HMBOX1: variants seen among roughly 807,000 people sequenced by gnomAD.
The protein encoded by HMBOX1 is homeobox containing 1.
Under a neutral mutation model 54.5 loss-of-function variants are expected in HMBOX1, and 14 were observed. The ratio of observed to expected loss-of-function variants is 0.26; its 90% CI spans 0.17 to 0.40. The LOEUF (loss-of-function observed/expected upper bound fraction) is 0.40, where lower values mean the gene tolerates loss of function less well. Ranked by LOEUF, HMBOX1 falls within the 10% of genes least tolerant of loss-of-function variation. The pLI is 1.00. For missense variants in HMBOX1, 332 were observed against 514.4 expected, an observed-to-expected ratio of 0.65 and a Z score of 3.43; for synonymous variants, 160 against 181.0, an observed-to-expected ratio of 0.88 and a Z score of 0.93.
intron 6 of HMBOX1, among the ~76,000 whole-genome samples, chr8:29,022,657 C>T (rs1374936550): frequency 1.3e-5 from 2 of 151,970 alleles, no homozygotes; most frequent in African/African-American, 2.4e-5. Flanking sequence ...AAGTTTAAAA[C>T]AAGGCAGAAT....
rs930211253 is a variant in HMBOX1 at position 28,928,789 on chromosome 8, G to C, written c.-57-35022G>C. On this transcript the variant is annotated intron_variant, in intron 1 of 9. Coordinates refer to ENST00000287701, the MANE Select transcript of HMBOX1 (RefSeq NM_001135726.3). ...CATTATGCTAAGTGGAATAAACCAG[G>C]CACAGAAAGACAAATTCCACATGAT... Among the ~76,000 whole-genome samples the C allele has an allele frequency of 6.6e-5, 10 of 152,146 alleles. 1 individual carries two copies. Among genetic ancestry groups the C allele is most frequent in the African/African-American group, 2.2e-4 (9 of 41,440 alleles).
Position 28,977,182 on chromosome 8 carries a change from TTGAG to T in HMBOX1, c.501-2886_501-2883del, listed in dbSNP as rs1211611939. On this transcript the variant is annotated intron_variant, in intron 3 of 9. Transcript: ENST00000287701. ...AACTGGATATTTCCTATTTCAATAA[TTGAG>T]TGTTATCTCTTCTGTATGATTTAGT... is the stretch of plus-strand genomic sequence containing the variant. 3.9e-5 allele frequency among the ~76,000 whole-genome samples: 6 copies of T among 152,322 alleles called. No homozygotes were observed. The South Asian group carries it at 1.2e-3, about 32-fold the overall frequency.
chr8:29,051,269 G>C lies in HMBOX1; in HGVS notation c.*114G>C, dbSNP rs1352293704. The C allele has an allele frequency of 8.5e-7, 1 of 1,182,974 alleles. No individual in the cohort carries two copies. The highest frequency in any genetic ancestry group is 1.2e-6 in the Non-Finnish European group (1 of 831,970). The allele number at this position is 1,182,974 out of a possible 1,614,324, so 73.3% of individuals were successfully genotyped here. A position where few individuals can be genotyped will look rare whatever the true frequency, so the allele number is the denominator to read the frequency against. ...ATAACTTGCAGTTTCTTGTATGTCA[G>C]GTAGCTGTTAGGGTCTTGTTCTGTG... On this transcript the variant is annotated 3_prime_UTR_variant, in exon 10 of 10. Transcript: ENST00000287701.
chr8:28,911,809 G>A (rs146595941), intron 1 of HMBOX1, among the ~76,000 whole-genome samples: 1 of 152,216 alleles, frequency 6.6e-6, no homozygotes, highest in African/African-American at 2.4e-5. Flanking sequence ...TGCAGGGTTG[G>A]GGGAGGGCAG....
chr8:28,943,379 C>T (rs1036971461), intron 1 of HMBOX1, among the ~76,000 whole-genome samples: 4 of 152,094 alleles, frequency 2.6e-5, no homozygotes, highest in Admixed American at 1.3e-4. Flanking sequence ...GGGATTTGGG[C>T]TAGAGCAGTT....
chr8:28,996,084 T>G (rs1020691473), intron 4 of HMBOX1, among the ~76,000 whole-genome samples: 1 of 151,986 alleles, frequency 6.6e-6, no homozygotes, highest in African/African-American at 2.4e-5. Flanking sequence ...CCAGCCTGGG[T>G]GACAGAGTGA....
intron 4 of HMBOX1, among the ~76,000 whole-genome samples, chr8:28,999,200 T>G (rs1832288366): frequency 6.6e-6 from 1 of 152,172 alleles, no homozygotes; most frequent in Admixed American, 6.5e-5. Flanking sequence ...GTAATTTTAC[T>G]CATCTGAAAA....
At chr8:29,007,933 T>C (rs1329695666) in intron 4 of HMBOX1, among the ~76,000 whole-genome samples, 1 of 152,206 alleles carries the variant, frequency 6.6e-6, no homozygotes, top group Non-Finnish European at 1.5e-5. Flanking sequence ...TGTGAAACTC[T>C]AGGGGCTTGC....
At chr8:28,908,169 A>G (rs1399017768) in intron 1 of HMBOX1, among the ~76,000 whole-genome samples, 1 of 152,166 alleles carries the variant, frequency 6.6e-6, no homozygotes, top group African/African-American at 2.4e-5. Context: ...ATACTGATTT[A>G]TATATTATGT....
intron 1 of HMBOX1, among the ~76,000 whole-genome samples, chr8:28,957,717 G>T (rs10112205): frequency 0.03 from 4,635 of 152,234 alleles, 219 homozygotes; most frequent in African/African-American, 0.11. Context: ...CAGCCTCCTG[G>T]GTTCAGGCGA....
At chr8:28,944,477 A>G (rs1306871126) in intron 1 of HMBOX1, among the ~76,000 whole-genome samples, 2 of 152,212 alleles carry the variant, frequency 1.3e-5, no homozygotes, top group Admixed American at 6.5e-5. Flanking sequence ...TTTCTGTCTG[A>G]AGTCATTCAT....
chr8:28,969,164 ACT>A (rs1826964297), intron 2 of HMBOX1, among the ~76,000 whole-genome samples: 1 of 152,016 alleles, frequency 6.6e-6, no homozygotes. Context: ...CAAGAGCAAA[ACT>A]CTGTATCCAA....
intron 4 of HMBOX1, among the ~76,000 whole-genome samples, chr8:29,001,444 G>GGA (rs1173297365): frequency 1.3e-5 from 2 of 152,156 alleles, no homozygotes; most frequent in African/African-American, 4.8e-5. Context: ...CGGCTACTCA[G>GGA]GAGACTGAGG....
At position 28,970,175 on chromosome 8, in the gene HMBOX1, T is replaced by C; in HGVS notation, c.156T>C (p.Arg52=). The C allele has an allele frequency of 1.2e-6, 2 of 1,614,190 alleles. No individual in the cohort carries two copies. The highest frequency in any genetic ancestry group is 1.7e-6 in the Non-Finnish European group (2 of 1,180,028). ...TCCATGCCTTGGAAACTTTGGACCG[T>C]CTTGATCAAGAGCATAGTGACAAGT... ...EILHALETLD[R]LDQEHSDKFG... is the part of the protein sequence containing the mutation. The change falls in exon 3 of 10, where the codon CGT becomes CGC. Residue 52 remains arginine (R), a synonymous_variant. Coordinates refer to ENST00000287701, the MANE Select transcript of HMBOX1 (RefSeq NM_001135726.3). This position sits in a 1 kb window ranked among gnomAD's most constrained non-coding sequence, Gnocchi z 4.3.
intron 3 of HMBOX1, among the ~76,000 whole-genome samples, chr8:28,973,524 T>G (rs1401334566): frequency 6.6e-6 from 1 of 152,190 alleles, no homozygotes; most frequent in Non-Finnish European, 1.5e-5. Context: ...GAGAAATATT[T>G]TGAGCAGTGG....
intron 1 of HMBOX1, among the ~76,000 whole-genome samples, chr8:28,934,926 C>CAAA (rs71551611): frequency 8.1e-5 from 9 of 110,770 alleles, no homozygotes; most frequent in Non-Finnish European, 5.4e-5. Flanking sequence ...GACTCCGTCT[C>CAAA]AAAAAAAAAA....
intron 6 of HMBOX1, among the ~76,000 whole-genome samples, chr8:29,039,605 A>G (rs1014755350): frequency 1.3e-5 from 2 of 152,170 alleles, no homozygotes; most frequent in African/African-American, 4.8e-5. Context: ...TTAGATACTT[A>G]CTGTCTATTA....
rs575410441 is a variant in HMBOX1 at position 28,992,637 on chromosome 8, G to A, written c.586+12481G>A. Among the ~76,000 whole-genome samples the A allele has an allele frequency of 1.2e-4, 18 of 152,168 alleles. No homozygotes were observed. The South Asian group carries it at 3.7e-3, about 32-fold the overall frequency. ...TGTAATCCCAGCACTCTGGGAATCC[G>A]AGTGGGGTGGATCACGAGGTCAGGA... On this transcript the variant is annotated intron_variant, in intron 4 of 9. Transcript: ENST00000287701.
At chr8:29,050,328 C>A in intron 9 of HMBOX1, 1 of 605,946 alleles carries the variant, frequency 1.7e-6, no homozygotes, top group Non-Finnish European at 2.1e-6. Flanking sequence ...GCTTCCTTCA[C>A]AGCTTTATTG....
Sources: allele counts gnomAD v4.1 joint callset (sites outside exome capture counted in the v4.1 genomes callset), GRCh38; gene constraint gnomAD v4.1.1; non-coding constraint Gnocchi (gnomAD v3.1); transcripts MANE v1.5; gene names NCBI Gene and HGNC (gene_info 2026-07-23, HGNC 2026-07-21).